The following RUNX3 variants were observed in gnomAD, a reference collection of about 807,000 sequenced individuals.
RUNX3 encodes the protein RUNX family transcription factor 3.
In RUNX3, 10 loss-of-function variants were observed where a neutral mutation model predicts 27.7. The ratio of observed to expected loss-of-function variants is 0.36; its 90% CI spans 0.22 to 0.61. The LOEUF is 0.61. Among genes scored for constraint, RUNX3 ranks in the 20% least tolerant of loss-of-function variants. The pLI is 0.72. For synonymous variants in RUNX3, 270 were observed against 269.2 expected, an observed-to-expected ratio of 1.00 and a Z score of -0.03; for missense variants, 469 against 629.5, an observed-to-expected ratio of 0.75 and a Z score of 2.73.
chr1:24,951,719 A>G (rs1290303878), intron 2 of RUNX3, among the ~76,000 whole-genome samples: 11 of 152,176 alleles, frequency 7.2e-5, no homozygotes, highest in Admixed American at 3.9e-4. Flanking sequence ...ATTCATAGCT[A>G]CTGTGCTTTG....
In RUNX3 at chr1:24,901,017, G is replaced by GTTTTGTTTTTT. The variant is rs1640531510; in HGVS notation, c.*1104_*1105insAAAAAACAAAA. ...TAAAATCAGTTTTAAAAACTGTTTTGTTTTTTTTTTGTTTTTTTGTTTTTT... is the reference window on the plus strand; with the variant it reads ...TAAAATCAGTTTTAAAAACTGTTTTGTTTTGTTTTTTTTTTTTTTTTGTTTTTTTGTTTTTT... On this transcript the variant is annotated 3_prime_UTR_variant, in exon 5 of 5. Transcript: ENST00000308873. 1 of 124,910 alleles carries GTTTTGTTTTTT rather than the reference G, an allele frequency of 8.0e-6. No individual in the cohort carries two copies. The allele number at this position is 124,910 out of a possible 1,614,324, so 7.7% of individuals were successfully genotyped here. A position where few individuals can be genotyped will look rare whatever the true frequency, so the allele number is the denominator to read the frequency against.
chr1:24,944,536 G>A (rs1641558232), intron 2 of RUNX3, among the ~76,000 whole-genome samples: 1 of 152,228 alleles, frequency 6.6e-6, no homozygotes, highest in African/African-American at 2.4e-5. Flanking sequence ...CAGATGTGAT[G>A]AAGGATAAAG....
upstream of RUNX3, among the ~76,000 whole-genome samples, chr1:24,932,744 A>G (rs1641260173): frequency 6.6e-6 from 1 of 151,852 alleles, no homozygotes; most frequent in Non-Finnish European, 1.5e-5. Flanking sequence ...TGGGAGGGAG[A>G]ACTCCGACTC....
intron 2 of RUNX3, among the ~76,000 whole-genome samples, chr1:24,921,848 G>A (rs537533366): frequency 4.6e-5 from 7 of 152,346 alleles, no homozygotes; most frequent in East Asian, 3.9e-4. Context: ...ACAGGGCCCC[G>A]GGCCCACAGC....
chr1:24,929,429 C>A (rs1470359886), intron 1 of RUNX3, 158 bp downstream of exon 1: 3 of 774,654 alleles, frequency 3.9e-6, no homozygotes, highest in South Asian at 1.5e-5. Context: ...GCCGAGGTCC[C>A]GGAGCCGAGC....
intron 2 of RUNX3, among the ~76,000 whole-genome samples, chr1:24,941,698 G>GGGGGGTTGGC (rs1641483168): frequency 6.6e-6 from 1 of 152,170 alleles, no homozygotes; most frequent in South Asian, 2.1e-4. Context: ...GAGGCCAGCA[G>GGGGGGTTGGC]GGGGGTTGGC....
chr1:24,939,742 C>G (rs1409805131), intron 2 of RUNX3, among the ~76,000 whole-genome samples: 1 of 152,266 alleles, frequency 6.6e-6, no homozygotes, highest in Non-Finnish European at 1.5e-5. Context: ...AACCCGCTCC[C>G]TCATTGTTCG....
chr1:24,908,626 T>A (rs1008169915), intron 3 of RUNX3, among the ~76,000 whole-genome samples: 1 of 152,168 alleles, frequency 6.6e-6, no homozygotes, highest in Non-Finnish European at 1.5e-5. Flanking sequence ...ATTGTACCAC[T>A]GCATCCCAGT....
chr1:24,908,183 C>G (rs113721518), intron 3 of RUNX3, among the ~76,000 whole-genome samples: 2 of 83,264 alleles, frequency 2.4e-5, no homozygotes, highest in Non-Finnish European at 4.7e-5. Context: ...CGAAGCTCTA[C>G]GACACGCGGT....
At chr1:24,950,772 G>A (rs1641740213) in intron 2 of RUNX3, among the ~76,000 whole-genome samples, 1 of 152,152 alleles carries the variant, frequency 6.6e-6, no homozygotes, top group Admixed American at 6.5e-5. Flanking sequence ...GGGCATATCT[G>A]CACCATGCCC....
Position 24,946,562 on chromosome 1 carries a change from G to A in RUNX3, c.59-16710C>T, listed in dbSNP as rs150867182. Among the ~76,000 whole-genome samples the A allele has an allele frequency of 1.6e-3, 236 of 152,254 alleles. 1 individual carries two copies. The highest frequency in any genetic ancestry group is 0.014 in the Middle Eastern group (4 of 294). ...ACAAGCCTGGTAGGGGCCAGGGTGT[G>A]GAAAGCCCATTCCCCCCCTACTCAT... is the stretch of plus-strand genomic sequence containing the variant. On this transcript the variant is annotated intron_variant, in intron 2 of 6. Coordinates refer to the RUNX3 transcript ENST00000338888.
At chr1:24,939,921 A>T (rs1571338404) in intron 2 of RUNX3, among the ~76,000 whole-genome samples, 1 of 152,350 alleles carries the variant, frequency 6.6e-6, no homozygotes, top group East Asian at 1.9e-4. Context: ...CCCTAGGCCA[A>T]CACATGGCCT....
In RUNX3 at chr1:24,927,697, C is replaced by T. The variant is rs774077450; in HGVS notation, c.316G>A (p.Val106Met). ...TCATTGCCTGCCATCACAGTCACCACCGTACCATCCGGCACGTCCCCCAAT... is the reference window on the plus strand; with the variant it reads ...TCATTGCCTGCCATCACAGTCACCATCGTACCATCCGGCACGTCCCCCAAT... ...VALGDVPDGTVVTVMAGNDEN... is the reference protein window; with the variant it reads ...VALGDVPDGTMVTVMAGNDEN... Residue 106 changes from valine (V) to methionine (M), a missense_variant, in exon 2 of 5, where the codon GTG (valine) becomes ATG (methionine). By Grantham distance (21) the Val-to-Met change is conservative (BLOSUM62 1). Coordinates refer to ENST00000308873, the MANE Select transcript of RUNX3 (RefSeq NM_004350.3). The surrounding 1 kb of genome is among the most constrained non-coding windows in gnomAD (Gnocchi z 5.0). 6.2e-7 allele frequency: 1 copy of T among 1,614,072 alleles called. No homozygotes were observed. The highest frequency in any genetic ancestry group is 8.5e-7 in the Non-Finnish European group (1 of 1,180,026).
rs542727022 is a variant in RUNX3 at position 24,962,355 on chromosome 1, G to A, written c.58+2159C>T. The A allele has an allele frequency of 1.3e-5, 2 of 152,318 alleles. No homozygotes were observed. The highest frequency in any genetic ancestry group is 1.3e-4 in the Admixed American group (2 of 15,300). 9.4% of individuals were successfully genotyped at this position (152,318 alleles called of 1,614,324 possible). ...CTTACGCGTTTAAAAACGCAACTCCGAGGAGGAACCTGAAGGTTCCCTGAG... is the reference window on the plus strand; with the variant it reads ...CTTACGCGTTTAAAAACGCAACTCCAAGGAGGAACCTGAAGGTTCCCTGAG... On this transcript the variant is annotated intron_variant, in intron 2 of 6. Transcript: ENST00000338888. The surrounding 1 kb of genome is among the most constrained non-coding windows in gnomAD (Gnocchi z 4.5).
At position 24,930,030 on chromosome 1, in the gene RUNX3, C is replaced by T; in HGVS notation, c.-162G>A. The stretch of plus-strand genomic sequence containing the variant: ...CAGGGGGCGGCGCCCGGCCACTACT[C>T]GCCAGGGCCCGCCCGCTGCGAGGCC... On this transcript the variant is annotated 5_prime_UTR_variant, in exon 1 of 5. Transcript: ENST00000308873. This position sits in a 1 kb window ranked among gnomAD's most constrained non-coding sequence, Gnocchi z 4.1. 2.0e-6 allele frequency: 2 copies of T among 981,442 alleles called. No individual in the cohort carries two copies. The highest frequency in any genetic ancestry group is 1.0e-3 in the Middle Eastern group (2 of 1,912). 60.8% of individuals were successfully genotyped at this position (981,442 alleles called of 1,614,324 possible). A position where few individuals can be genotyped will look rare whatever the true frequency, so the allele number is the denominator to read the frequency against.
At chr1:24,952,889 A>G (rs1476636409) in intron 2 of RUNX3, among the ~76,000 whole-genome samples, 3 of 152,222 alleles carry the variant, frequency 2.0e-5, no homozygotes, top group African/African-American at 7.2e-5. Flanking sequence ...TGGAAAAGTA[A>G]AAATAGATCC....
chr1:24,964,799 A>G, intron 1 of RUNX3: 1 of 1,150,656 alleles, frequency 8.7e-7, no homozygotes. Flanking sequence ...TGAGAGAGAG[A>G]AAAAAATCCC....
chr1:24,951,245 TGAGA>T (rs1183061119), intron 2 of RUNX3, among the ~76,000 whole-genome samples: 1 of 149,470 alleles, frequency 6.7e-6, no homozygotes, highest in Non-Finnish European at 1.5e-5. Flanking sequence ...GGGTGCCTGC[TGAGA>T]GAGAGAGAAA....
chr1:24,948,988 A>G (rs1432817420), intron 2 of RUNX3, among the ~76,000 whole-genome samples: 2 of 151,998 alleles, frequency 1.3e-5, no homozygotes, highest in African/African-American at 2.4e-5. Flanking sequence ...TATGAGCACA[A>G]TGAAAAATCT....
Sources: allele counts gnomAD v4.1 joint callset (sites outside exome capture counted in the v4.1 genomes callset), GRCh38; gene constraint gnomAD v4.1.1; non-coding constraint Gnocchi (gnomAD v3.1); transcripts MANE v1.5; gene names NCBI Gene and HGNC (gene_info 2026-07-23, HGNC 2026-07-21).